PCDHGB1: variants seen among roughly 807,000 people sequenced by gnomAD.
PCDHGB1 encodes protocadherin gamma subfamily B, 1, also known as protocadherin gamma-B1.
In PCDHGB1, 34 loss-of-function variants were observed where a neutral mutation model predicts 56.6. The observed-to-expected ratio is 0.60, with a 90% CI of 0.46 to 0.80. PCDHGB1 has a LOEUF of 0.80. Ranked by LOEUF, PCDHGB1 falls within the 30% of genes least tolerant of loss-of-function variation. PCDHGB1 has a pLI of 0.00. For synonymous variants in PCDHGB1, 561 were observed against 505.9 expected (o/e 1.11, Z -1.46); for missense variants, 1,278 against 1,204.6 (o/e 1.06, Z -0.90).
intron 1 of PCDHGB1, chr5:141,383,909 T>A: frequency 6.2e-7 from 1 of 1,613,856 alleles, no homozygotes; most frequent in Non-Finnish European, 8.5e-7. Context: ...CTGATCACAG[T>A]TTTAGATGTA....
At chr5:141,384,943 G>T in intron 1 of PCDHGB1, 1 of 1,613,996 alleles carries the variant, frequency 6.2e-7, no homozygotes, top group Non-Finnish European at 8.5e-7. Flanking sequence ...TGAGCCCTCC[G>T]ACGGTCCTTA....
intron 3 of PCDHGB1, 85 bp from the exon 4 acceptor site, chr5:141,510,862 C>A: frequency 6.2e-7 from 1 of 1,606,772 alleles, no homozygotes. Context: ...GCTGTATAGG[C>A]ATTCATTAAC....
intron 2 of PCDHGB1, among the ~76,000 whole-genome samples, chr5:141,500,806 T>C (rs2099802700): frequency 6.6e-6 from 1 of 152,240 alleles, no homozygotes; most frequent in Non-Finnish European, 1.5e-5. Context: ...AGTCCTCATA[T>C]GAATATACAT....
intron 1 of PCDHGB1, chr5:141,370,191 T>C: frequency 1.9e-6 from 1 of 522,822 alleles, no homozygotes; most frequent in Non-Finnish European, 3.3e-6. Context: ...TCTTGGCTAG[T>C]GCTGTGCAAA....
At chr5:141,386,590 G>A (rs1589020136) in intron 1 of PCDHGB1, among the ~76,000 whole-genome samples, 1 of 151,604 alleles carries the variant, frequency 6.6e-6, no homozygotes, top group Non-Finnish European at 1.5e-5. Context: ...TAGTGTGGGG[G>A]ATACATTTTT....
At position 141,487,760 on chromosome 5, in the gene PCDHGB1, G is replaced by T; in HGVS notation, c.2410-7047G>T. On this transcript the variant is annotated intron_variant, in intron 1 of 3. Transcript: ENST00000523390. The surrounding 1 kb of genome is among the most constrained non-coding windows in gnomAD (Gnocchi z 5.0). Reference sequence around the variant, plus strand: ...TGTAAGAGGTAACTATGTGGTAGACGCTGTGCTTTGTAACTGTTTCGTGAA... The same window carrying T: ...TGTAAGAGGTAACTATGTGGTAGACTCTGTGCTTTGTAACTGTTTCGTGAA... 1 of 1,545,950 alleles carries T rather than the reference G, an allele frequency of 6.5e-7. No individual in the cohort carries two copies. The highest frequency in any genetic ancestry group is 1.4e-5 in the African/African-American group (1 of 73,162).
At chr5:141,510,272 T>TAAAA (rs546154379) in intron 3 of PCDHGB1, among the ~76,000 whole-genome samples, 4 of 130,388 alleles carry the variant, frequency 3.1e-5, no homozygotes, top group Non-Finnish European at 4.9e-5. Context: ...GACTCCATCT[T>TAAAA]AAAAAAAAAA....
intron 1 of PCDHGB1, 161 bp from the exon 2 acceptor site, chr5:141,494,646 T>C (rs1324048407): frequency 1.1e-6 from 1 of 935,836 alleles, no homozygotes; most frequent in East Asian, 1.2e-4. Flanking sequence ...AGACCTGAGG[T>C]GTATTTTGTC....
rs1404656316 is a variant in PCDHGB1 at position 141,486,648 on chromosome 5, A to G, written c.2410-8159A>G. 6.2e-7 allele frequency: 1 copy of G among 1,613,298 alleles called. No individual in the cohort carries two copies. The highest frequency in any genetic ancestry group is 8.5e-7 in the Non-Finnish European group (1 of 1,179,892). The stretch of plus-strand genomic sequence containing the variant: ...TCTGGCTTGAATGCGCTTATCTCCT[A>G]CTCACTCCTGGAGCCCAGGAATCGA... On this transcript the variant is annotated intron_variant, in intron 1 of 3. Coordinates refer to ENST00000523390, the MANE Select transcript of PCDHGB1 (RefSeq NM_018922.3). This position sits in a 1 kb window ranked among gnomAD's most constrained non-coding sequence, Gnocchi z 5.0.
At chr5:141,443,059 A>G (rs148799842) in intron 1 of PCDHGB1, among the ~76,000 whole-genome samples, 145 of 152,348 alleles carry the variant, frequency 9.5e-4, no homozygotes, top group African/African-American at 3.3e-3. Context: ...GTTCCACTGA[A>G]GAGCGTCTTA....
intron 1 of PCDHGB1, among the ~76,000 whole-genome samples, chr5:141,430,064 A>T (rs1482609618): frequency 6.6e-6 from 1 of 152,190 alleles, no homozygotes; most frequent in Non-Finnish European, 1.5e-5. Flanking sequence ...TATCATTTTT[A>T]GGTTTCCATA....
At chr5:141,362,573 T>A in intron 1 of PCDHGB1, 1 of 1,605,780 alleles carries the variant, frequency 6.2e-7, no homozygotes, top group South Asian at 1.1e-5. Flanking sequence ...TTTAATTAAT[T>A]TATTTTCACT....
rs529134948 is a variant in PCDHGB1, at chr5:141,368,813, A to C, written c.2409+16144A>C. Among the ~76,000 whole-genome samples, 5 of 152,322 alleles carry C rather than the reference A, an allele frequency of 3.3e-5. No individual in the cohort carries two copies. In the East Asian group the frequency reaches 7.7e-4, roughly 24 times the overall value. ...ATTTTTCATACTAATTGAAGTGTTC[A>C]TACAATGAACACTTGGCATTGTGTT... On this transcript the variant is annotated intron_variant, in intron 1 of 3. Coordinates refer to ENST00000523390, the MANE Select transcript of PCDHGB1 (RefSeq NM_018922.3).
chr5:141,492,557 G>A (rs2154587614), intron 1 of PCDHGB1, among the ~76,000 whole-genome samples: 1 of 152,350 alleles, frequency 6.6e-6, no homozygotes, highest in East Asian at 1.9e-4. Flanking sequence ...TCGCCTGGGG[G>A]GCGGCCTGAG....
rs1036223789 is a variant in PCDHGB1, at chr5:141,511,298, G to A, written c.*125G>A. On this transcript the variant is annotated 3_prime_UTR_variant, in exon 4 of 4. Transcript: ENST00000523390. ...GAATACTGGTAGGGGCCAAGGCCAT[G>A]CTCCCCTTGGGAAACAGAAACAAGT... The A allele has an allele frequency of 4.7e-6, 7 of 1,502,412 alleles. No individual in the cohort carries two copies. In the African/African-American group the frequency reaches 8.4e-5, roughly 18 times the overall value. The allele number at this position is 1,502,412 out of a possible 1,614,324, so 93.1% of individuals were successfully genotyped here. A position where few individuals can be genotyped will look rare whatever the true frequency, so the allele number is the denominator to read the frequency against.
At chr5:141,418,512 G>C (rs776986277) in intron 1 of PCDHGB1, 1 of 1,613,966 alleles carries the variant, frequency 6.2e-7, no homozygotes, top group Non-Finnish European at 8.5e-7. Context: ...TTAGATGGTG[G>C]GGACCCTCCC....
chr5:141,382,603 T>C, intron 1 of PCDHGB1: 1 of 269,778 alleles, frequency 3.7e-6, no homozygotes, highest in Non-Finnish European at 6.9e-6. Flanking sequence ...AACAATTTTC[T>C]ATGAAATCAG....
At chr5:141,426,955 C>T (rs1380917458) in intron 1 of PCDHGB1, 3 of 456,658 alleles carry the variant, frequency 6.6e-6, no homozygotes, top group South Asian at 1.5e-5. Flanking sequence ...ACTGGCACTG[C>T]TGCAATTCAA....
chr5:141,356,378 C>T (rs749531855), intron 1 of PCDHGB1: 2 of 1,565,028 alleles, frequency 1.3e-6, no homozygotes, highest in South Asian at 2.3e-5. Flanking sequence ...CTGCCATTCA[C>T]ACTTGAAAAG....
Sources: gnomAD v4.1 joint callset for allele counts (sites outside exome capture counted in the v4.1 genomes callset) on GRCh38, gnomAD v4.1.1 for gene constraint, Gnocchi (gnomAD v3.1) non-coding constraint, MANE v1.5 for transcripts, NCBI Gene and HGNC (gene_info 2026-07-23, HGNC 2026-07-21) for gene names.